MRPL18: variants seen among roughly 807,000 people sequenced by gnomAD.
MRPL18 encodes the protein mitochondrial ribosomal protein L18, also known as large ribosomal subunit protein uL18m.
Under a neutral mutation model 20.9 loss-of-function variants are expected in MRPL18, and 16 were observed. The ratio of observed to expected loss-of-function variants is 0.76; its 90% CI spans 0.52 to 1.16. The LOEUF (loss-of-function observed/expected upper bound fraction) is 1.16, where lower values mean the gene tolerates loss of function less well. MRPL18 is among the 50% of genes most tolerant of loss of function. MRPL18 has a pLI of 0.00. For missense variants in MRPL18, 233 were observed against 230.6 expected, an observed-to-expected ratio of 1.01 and a Z score of -0.07; for synonymous variants, 91 against 87.1, an observed-to-expected ratio of 1.04 and a Z score of -0.25.
In MRPL18 at chr6:159,797,268, A is replaced by G. The variant is rs372471713; in HGVS notation, c.240-19A>G. ...ATACAGATTCTTCTGTGATTTTATT[A>G]TCTTCTCACCCCATTTAGGTTGCGA... On this transcript the variant is annotated intron_variant, in intron 2 of 3. Transcript: ENST00000367034. The G allele has an allele frequency of 2.6e-5, 41 of 1,597,416 alleles. No homozygotes were observed. The highest frequency in any genetic ancestry group is 3.3e-5 in the Non-Finnish European group (39 of 1,164,916).
At chr6:159,790,762 G>C in intron 1 of MRPL18, 123 bp downstream of exon 1, 1 of 1,430,126 alleles carries the variant, frequency 7.0e-7, no homozygotes, top group Non-Finnish European at 9.6e-7. Flanking sequence ...GCACTGCGAA[G>C]ACCACAGTAG....
Position 159,791,042 on chromosome 6 carries a change from A to C in MRPL18, c.155A>C (p.Asn52Thr). ...GTCGCCCCAGAATTCACCAACCGGA[A>C]CCCCCGGAACCTGGAGCTTTTATCT... The part of the protein sequence containing the change: ...EAVAPEFTNR[N>T]PRNLELLSVA... The change falls in exon 2 of 4, where the codon AAC becomes ACC. Residue 52 changes from asparagine to threonine, a missense_variant. Asn to Thr is a moderately conservative substitution (Grantham distance 65, BLOSUM62 0). Transcript: ENST00000367034. 1 of 1,614,016 alleles carries C rather than the reference A, an allele frequency of 6.2e-7. No individual in the cohort carries two copies. The highest frequency in any genetic ancestry group is 1.1e-5 in the South Asian group (1 of 91,068).
chr6:159,791,812 C>T (rs1853256), intron 2 of MRPL18, among the ~76,000 whole-genome samples: 71,760 of 151,752 alleles, frequency 0.47, 17,987 homozygotes, highest in Non-Finnish European at 0.55. Flanking sequence ...GGCTGAGGCA[C>T]GAGAATCACT....
chr6:159,790,486 G>A lies in MRPL18; in HGVS notation c.-102G>A. On this transcript the variant is annotated 5_prime_UTR_variant, in exon 1 of 4. Coordinates refer to ENST00000367034, the MANE Select transcript of MRPL18 (RefSeq NM_014161.5). ...GGCGTGGAGAGTTTGGGGATCTACAGCAGCCAAAGGCTTGTCCCTGACTTT... is the reference window on the plus strand; with the variant it reads ...GGCGTGGAGAGTTTGGGGATCTACAACAGCCAAAGGCTTGTCCCTGACTTT... 1 of 1,512,514 alleles carries A rather than the reference G, an allele frequency of 6.6e-7. No homozygotes were observed. The highest frequency in any genetic ancestry group is 9.1e-7 in the Non-Finnish European group (1 of 1,095,294). The allele number at this position is 1,512,514 out of a possible 1,614,324, so 93.7% of individuals were successfully genotyped here.
In MRPL18 at chr6:159,797,499, G is replaced by A; in HGVS notation, c.452G>A (p.Trp151Ter). Residue 151 changes from tryptophan (W) to a stop codon, truncating the protein, a stop_gained, in exon 3 of 4, where the codon TGG (tryptophan) becomes TAG (stop). Coordinates refer to ENST00000367034, the MANE Select transcript of MRPL18 (RefSeq NM_014161.5). LOFTEE classifies it high-confidence loss of function. ...INFMVYQPTPWEAASDSMKRL... is the reference protein window; with the variant it reads ...INFMVYQPTP ...TTCATGGTCTACCAACCAACCCCGTGGGAGGCAGCCTCAGACTCGGTATTT... is the reference window on the plus strand; with the variant it reads ...TTCATGGTCTACCAACCAACCCCGTAGGAGGCAGCCTCAGACTCGGTATTT... 6.2e-7 allele frequency: 1 copy of A among 1,614,022 alleles called. No homozygotes were observed. Among genetic ancestry groups the A allele is most frequent in the Non-Finnish European group, 8.5e-7 (1 of 1,179,948 alleles).
At chr6:159,794,790 G>A (rs956125584) in intron 2 of MRPL18, among the ~76,000 whole-genome samples, 2 of 152,204 alleles carry the variant, frequency 1.3e-5, no homozygotes, top group African/African-American at 2.4e-5. Flanking sequence ...TAGGTGGAAC[G>A]AGAGACTTGG....
intron 2 of MRPL18, 35 bp from the exon 3 acceptor site, chr6:159,797,252 C>T: frequency 1.3e-6 from 2 of 1,562,372 alleles, no homozygotes; most frequent in Non-Finnish European, 1.8e-6. Flanking sequence ...GATACAGATT[C>T]TTCTGTGATT....
intron 2 of MRPL18, among the ~76,000 whole-genome samples, chr6:159,793,394 A>G (rs1260482914): frequency 6.6e-6 from 1 of 152,130 alleles, no homozygotes; most frequent in Non-Finnish European, 1.5e-5. Flanking sequence ...AATCAAAAGA[A>G]TATTTTGTGG....
At chr6:159,791,886 C>CAA (rs59145481) in intron 2 of MRPL18, among the ~76,000 whole-genome samples, 1 of 132,268 alleles carries the variant, frequency 7.6e-6, no homozygotes. Context: ...AATTCTGTCT[C>CAA]AAAAAAAAAA....
chr6:159,791,058 GC>G lies in MRPL18; in HGVS notation c.172del (p.Leu58PhefsTer4), dbSNP rs774812884. On this transcript the variant is annotated frameshift_variant, in exon 2 of 4. Transcript: ENST00000367034. LOFTEE classifies it high-confidence loss of function. ...FTNRNPRNLE[L>X]LSVARKERGW... Reference sequence around the variant, plus strand: ...CCAACCGGAACCCCCGGAACCTGGAGCTTTTATCTGTAGCCAGGAAAGAGCG... The same window carrying G: ...CCAACCGGAACCCCCGGAACCTGGAGTTTTATCTGTAGCCAGGAAAGAGCG... 10 of 1,614,100 alleles carry G rather than the reference GC, an allele frequency of 6.2e-6. No individual in the cohort carries two copies. The highest frequency in any genetic ancestry group is 8.5e-6 in the Non-Finnish European group (10 of 1,180,038).
At position 159,797,344 on chromosome 6, in the gene MRPL18, C is replaced by G; in HGVS notation, c.297C>G (p.Gly99=). Residue 99 remains glycine (G), a synonymous_variant, in exon 3 of 4, where the codon GGC becomes GGG. Transcript: ENST00000367034. ...HVEALVEHQN[G]KVVVSASTRE... is the part of the protein sequence containing the mutation. ...AAGCACTTGTGGAGCATCAGAATGG[C>G]AAGGTTGTGGTTTCGGCCTCCACTC... is the stretch of plus-strand genomic sequence containing the variant. 6.2e-7 allele frequency: 1 copy of G among 1,614,136 alleles called. No homozygotes were observed. Among genetic ancestry groups the G allele is most frequent in the Non-Finnish European group, 8.5e-7 (1 of 1,180,034 alleles).
In MRPL18 at chr6:159,790,758, C is replaced by A. The variant is rs185072735; in HGVS notation, c.52+119C>A. On this transcript the variant is annotated intron_variant, in intron 1 of 3. Coordinates refer to ENST00000367034, the MANE Select transcript of MRPL18 (RefSeq NM_014161.5). ...GATCGAAATAGAGCTCGCGGCACTG[C>A]GAAGACCACAGTAGGAAGTTAAGGA... is the stretch of plus-strand genomic sequence containing the variant. 17 of 1,442,922 alleles carry A rather than the reference C, an allele frequency of 1.2e-5. No homozygotes were observed. The Admixed American group carries it at 3.3e-4, about 28-fold the overall frequency. The allele number at this position is 1,442,922 out of a possible 1,614,324, so 89.4% of individuals were successfully genotyped here.
chr6:159,798,229 A>G lies in MRPL18; in HGVS notation c.*106A>G, dbSNP rs981175775. ...CAGCCAGCTTGGAAGTTTTACAGCA[A>G]TAATGTTGCAGTGGAATATTATTTG... On this transcript the variant is annotated 3_prime_UTR_variant, in exon 4 of 4. Coordinates refer to ENST00000367034, the MANE Select transcript of MRPL18 (RefSeq NM_014161.5). 27 of 867,430 alleles carry G rather than the reference A, an allele frequency of 3.1e-5. No individual in the cohort carries two copies. The African/African-American group carries it at 3.8e-4, about 12-fold the overall frequency. The allele number at this position is 867,430 out of a possible 1,614,324, so 53.7% of individuals were successfully genotyped here. A position where few individuals can be genotyped will look rare whatever the true frequency, so the allele number is the denominator to read the frequency against.
At position 159,791,104 on chromosome 6, in the gene MRPL18, C is replaced by A; in HGVS notation, c.217C>A (p.Pro73Thr). ...AGAGCGGGGCTGGCGGACGGTGTTT[C>A]CCTCCCGTGAGTTCTGGCACAGGTA... is the stretch of plus-strand genomic sequence containing the variant. Reference protein sequence around the residue: ...RKERGWRTVFPSREFWHRLRV... With the variant: ...RKERGWRTVFTSREFWHRLRV... The change falls in exon 2 of 4, where the codon CCC becomes ACC. Residue 73 changes from proline to threonine, a missense_variant. Transcript: ENST00000367034. 6.2e-7 allele frequency: 1 copy of A among 1,614,148 alleles called. No homozygotes were observed. Among genetic ancestry groups the A allele is most frequent in the Non-Finnish European group, 8.5e-7 (1 of 1,180,030 alleles).
intron 2 of MRPL18, among the ~76,000 whole-genome samples, chr6:159,796,128 C>CT (rs371374052): frequency 0.19 from 22,174 of 115,642 alleles, 2,239 homozygotes; most frequent in East Asian, 0.36. Flanking sequence ...CTTCATTTTA[C>CT]TTTTTTTTTT....
intron 2 of MRPL18, among the ~76,000 whole-genome samples, chr6:159,792,835 G>T (rs900746348): frequency 6.6e-5 from 10 of 152,106 alleles, no homozygotes; most frequent in African/African-American, 2.4e-4. Flanking sequence ...ACAAGCTCTG[G>T]CTCTATCACC....
At chr6:159,795,049 T>A (rs758674784) in intron 2 of MRPL18, among the ~76,000 whole-genome samples, 1 of 152,256 alleles carries the variant, frequency 6.6e-6, no homozygotes, top group Non-Finnish European at 1.5e-5. Context: ...CTTTTAGATA[T>A]GCATACACAT....
At position 159,797,426 on chromosome 6, in the gene MRPL18, A is replaced by C. The variant is rs1781055084; in HGVS notation, c.379A>C (p.Ser127Arg). The C allele has an allele frequency of 6.2e-7, 1 of 1,614,062 alleles. No individual in the cohort carries two copies. Among genetic ancestry groups the C allele is most frequent in the Non-Finnish European group, 8.5e-7 (1 of 1,180,046 alleles). ...YSTRNVVACE[S>R]IGRVLAQRCL... Reference sequence around the variant, plus strand: ...TACCAGAAATGTGGTGGCTTGTGAGAGTATAGGACGAGTGCTGGCACAGAG... The same window carrying C: ...TACCAGAAATGTGGTGGCTTGTGAGCGTATAGGACGAGTGCTGGCACAGAG... The change falls in exon 3 of 4, where the codon AGT (serine) becomes CGT (arginine). Residue 127 changes from serine to arginine, a missense_variant. By Grantham distance (110) the Ser-to-Arg change is moderately radical. Transcript: ENST00000367034.
At chr6:159,797,641 G>A in intron 3 of MRPL18, 123 bp downstream of exon 3, 1 of 809,924 alleles carries the variant, frequency 1.2e-6, no homozygotes. Flanking sequence ...CCTTTGGTGA[G>A]TACTCAACAG....
Sources: allele counts gnomAD v4.1 joint callset (sites outside exome capture counted in the v4.1 genomes callset), GRCh38; gene constraint gnomAD v4.1.1; transcripts MANE v1.5; gene names NCBI Gene and HGNC (gene_info 2026-07-23, HGNC 2026-07-21).